NKIRAS1: variants seen among roughly 807,000 people sequenced by gnomAD.
NKIRAS1 encodes the protein NF-kappa-B inhibitor-interacting Ras-like protein 1.
Under a neutral mutation model 19.8 loss-of-function variants are expected in NKIRAS1, and 16 were observed. The observed-to-expected ratio is 0.81, with a 90% CI of 0.55 to 1.23. The LOEUF is 1.23. Ranked by LOEUF, NKIRAS1 falls within the 50% of genes most tolerant of loss-of-function variation. The probability of loss-of-function intolerance (pLI) is 0.00; values close to 1 mark genes in which losing one functional copy is unlikely to be tolerated. For synonymous variants in NKIRAS1, 88 were observed against 79.0 expected, an observed-to-expected ratio of 1.11 and a Z score of -0.61; for missense variants, 184 against 220.0, an observed-to-expected ratio of 0.84 and a Z score of 1.04.
At chr3:23,919,033 C>A, upstream of NKIRAS1, 1 of 616,240 alleles carries the variant, frequency 1.6e-6, no homozygotes, top group Non-Finnish European at 2.9e-6. Flanking sequence ...TCTACATTAT[C>A]TCATTACACT....
chr3:23,928,660 A>C (rs1276501159), intron 1 of NKIRAS1, among the ~76,000 whole-genome samples: 1 of 150,912 alleles, frequency 6.6e-6, no homozygotes, highest in Non-Finnish European at 1.5e-5. Flanking sequence ...AGACCAAAAA[A>C]ACAGAAGCCT....
intron 1 of NKIRAS1, among the ~76,000 whole-genome samples, chr3:23,915,322 T>C (rs908082617): frequency 6.6e-6 from 1 of 152,180 alleles, no homozygotes; most frequent in Non-Finnish European, 1.5e-5. Context: ...AGGAAATAAA[T>C]GTACTCTCCC....
chr3:23,897,809 T>C (rs1188401273), intron 4 of NKIRAS1, among the ~76,000 whole-genome samples: 1 of 152,230 alleles, frequency 6.6e-6, no homozygotes, highest in Non-Finnish European at 1.5e-5. Flanking sequence ...GTATTAAATA[T>C]ATTTATTTAC....
chr3:23,942,283 G>A (rs1705515532), intron 1 of NKIRAS1, among the ~76,000 whole-genome samples: 1 of 151,526 alleles, frequency 6.6e-6, no homozygotes, highest in African/African-American at 2.4e-5. Flanking sequence ...CTGGCCTAGA[G>A]CAGTACTGTG....
intron 3 of NKIRAS1, among the ~76,000 whole-genome samples, chr3:23,909,256 T>A (rs1703396674): frequency 6.6e-6 from 1 of 152,000 alleles, no homozygotes; most frequent in Non-Finnish European, 1.5e-5. Flanking sequence ...GCGCAGTGGC[T>A]CACGCCTGTA....
chr3:23,917,978 C>T (rs1466750979), upstream of NKIRAS1: 1 of 1,612,790 alleles, frequency 6.2e-7, no homozygotes. Flanking sequence ...CACAGGGCTC[C>T]CCGCCCCACC....
At chr3:23,933,325 C>T (rs1341085814) in intron 1 of NKIRAS1, among the ~76,000 whole-genome samples, 1 of 152,336 alleles carries the variant, frequency 6.6e-6, no homozygotes, top group East Asian at 1.9e-4. Flanking sequence ...TTGTAAATTA[C>T]TCTATCCCAG....
chr3:23,895,054 T>A (rs1701849226), intron 4 of NKIRAS1, among the ~76,000 whole-genome samples: 1 of 152,188 alleles, frequency 6.6e-6, no homozygotes, highest in African/African-American at 2.4e-5. Context: ...TTTGTTTGTT[T>A]TTTTTAAAGA....
At chr3:23,940,346 TA>T (rs35882098) in intron 1 of NKIRAS1, among the ~76,000 whole-genome samples, 4 of 150,118 alleles carry the variant, frequency 2.7e-5, no homozygotes, top group Admixed American at 6.6e-5. Context: ...GACCTGTTTC[TA>T]AAAAAAAATT....
At chr3:23,912,034 G>A (rs994190828) in intron 1 of NKIRAS1, among the ~76,000 whole-genome samples, 1 of 151,358 alleles carries the variant, frequency 6.6e-6, no homozygotes, top group Non-Finnish European at 1.5e-5. Context: ...AAAGTGCTAC[G>A]ATTACAGGCG....
chr3:23,924,821 C>T (rs886391224), intron 1 of NKIRAS1, among the ~76,000 whole-genome samples: 2 of 152,154 alleles, frequency 1.3e-5, no homozygotes, highest in Non-Finnish European at 2.9e-5. Flanking sequence ...AATTCCTAAA[C>T]CAAATTAGTA....
intron 1 of NKIRAS1, among the ~76,000 whole-genome samples, chr3:23,914,624 G>C (rs1704115072): frequency 6.6e-6 from 1 of 152,130 alleles, no homozygotes; most frequent in Non-Finnish European, 1.5e-5. Flanking sequence ...TTTACTGAGG[G>C]CCTGCCATCA....
intron 1 of NKIRAS1, chr3:23,945,985 C>G (rs1045276976): frequency 3.8e-6 from 2 of 523,380 alleles, no homozygotes; most frequent in Non-Finnish European, 4.9e-6. Context: ...CCGCTCGGCT[C>G]CCTGACCCAC....
chr3:23,945,630 G>T (rs1336653727), intron 1 of NKIRAS1: 2 of 1,166,198 alleles, frequency 1.7e-6, no homozygotes, highest in African/African-American at 1.6e-5. Context: ...GGGATGGCCG[G>T]AGGGAGCGCT....
At chr3:23,918,414 C>CT, upstream of NKIRAS1, 1 of 1,607,056 alleles carries the variant, frequency 6.2e-7, no homozygotes, top group Non-Finnish European at 8.5e-7. Flanking sequence ...TATAAAATCA[C>CT]TAATTTCGTG....
upstream of NKIRAS1, chr3:23,920,484 A>C (rs139219139): frequency 2.8e-5 from 28 of 985,190 alleles, no homozygotes; most frequent in African/African-American, 3.5e-5. Context: ...TTGTGCACCC[A>C]CTTTGACTAT....
At chr3:23,945,577 C>A (rs760459824) in intron 1 of NKIRAS1, 9 of 1,173,036 alleles carry the variant, frequency 7.7e-6, no homozygotes, top group Non-Finnish European at 3.2e-6. Context: ...CGCGAGGGCA[C>A]CATGGAGGTG....
intron 1 of NKIRAS1, chr3:23,946,085 C>G: frequency 4.1e-6 from 4 of 984,694 alleles, no homozygotes; most frequent in Non-Finnish European, 4.8e-6. Context: ...GGCTCCGCCC[C>G]TTTGGAAGCC....
upstream of NKIRAS1, chr3:23,918,138 C>A: frequency 7.2e-7 from 1 of 1,384,696 alleles, no homozygotes; most frequent in Non-Finnish European, 9.7e-7. Context: ...TCGCATAGGG[C>A]TTTGGCAGAA....
Sources: allele counts gnomAD v4.1 joint callset (sites outside exome capture counted in the v4.1 genomes callset), GRCh38; gene constraint gnomAD v4.1.1; transcripts MANE v1.5; gene names NCBI Gene and HGNC (gene_info 2026-07-23, HGNC 2026-07-21).